ADAMTS2: variants seen among roughly 807,000 people sequenced by gnomAD.
ADAMTS2 encodes ADAM metallopeptidase with thrombospondin type 1 motif 2, also known as A disintegrin and metalloproteinase with thrombospondin motifs 2.
Under a neutral mutation model 123.0 loss-of-function variants are expected in ADAMTS2, and 50 were observed. The observed-to-expected ratio is 0.41, with a 90% confidence interval of 0.32 to 0.51. ADAMTS2 has a LOEUF of 0.51. Ranked by LOEUF, ADAMTS2 falls within the 20% of genes least tolerant of loss-of-function variation. The pLI is 0.35. For missense variants in ADAMTS2, 1,494 were observed against 1,705.2 expected, an observed-to-expected ratio of 0.88 and a Z score of 2.18; for synonymous variants, 678 against 695.4, an observed-to-expected ratio of 0.98 and a Z score of 0.39.
chr5:179,127,668 C>T (rs1561768685), intron 17 of ADAMTS2, among the ~76,000 whole-genome samples: 1 of 152,240 alleles, frequency 6.6e-6, no homozygotes, highest in East Asian at 1.9e-4. Flanking sequence ...GAGGTGTCCA[C>T]ACATCAACCT....
At chr5:179,216,521 C>T (rs564753609) in intron 3 of ADAMTS2, among the ~76,000 whole-genome samples, 8 of 152,166 alleles carry the variant, frequency 5.3e-5, no homozygotes, top group South Asian at 4.1e-4. Flanking sequence ...AGGTCCAGCG[C>T]GTGGTCCCCA....
chr5:179,319,170 C>T (rs551279302), intron 2 of ADAMTS2, among the ~76,000 whole-genome samples: 5 of 152,154 alleles, frequency 3.3e-5, no homozygotes, highest in South Asian at 2.1e-4. Context: ...CACACGCAGG[C>T]GTCACACAGG....
intron 20 of ADAMTS2, among the ~76,000 whole-genome samples, chr5:179,122,033 C>T (rs1455528360): frequency 3.3e-5 from 5 of 152,130 alleles, no homozygotes; most frequent in South Asian, 4.1e-4. Context: ...TGCCCCTGCA[C>T]CCTGCCCGCG....
chr5:179,152,082 G>T (rs1763370125), intron 10 of ADAMTS2, 60 bp downstream of exon 10: 8 of 1,486,954 alleles, frequency 5.4e-6, no homozygotes, highest in Non-Finnish European at 6.6e-6. Flanking sequence ...GGTGACCCGG[G>T]CACCTAAGAT....
chr5:179,272,263 G>A lies in ADAMTS2; in HGVS notation c.688+648C>T, dbSNP rs565918773. On this transcript the variant is annotated intron_variant, in intron 3 of 21. Transcript: ENST00000251582. This position sits in a 1 kb window ranked among gnomAD's most constrained non-coding sequence, Gnocchi z 5.8. Reference sequence around the variant, plus strand: ...ATGGCCGCCTGGCAGCTCCTTTCACGTTTCTGGGCCCAGGGCACACGTGGG... The same window carrying A: ...ATGGCCGCCTGGCAGCTCCTTTCACATTTCTGGGCCCAGGGCACACGTGGG... 3.3e-5 allele frequency among the ~76,000 whole-genome samples: 5 copies of A among 152,296 alleles called. No individual in the cohort carries two copies. The highest frequency in any genetic ancestry group is 2.1e-4 in the South Asian group (1 of 4,822).
intron 2 of ADAMTS2, among the ~76,000 whole-genome samples, chr5:179,301,126 G>A (rs1482575633): frequency 6.6e-6 from 1 of 151,222 alleles, no homozygotes; most frequent in African/African-American, 2.4e-5. Context: ...AAAGGTTCTG[G>A]AGGCTCTGCT....
In ADAMTS2 at chr5:179,121,668, G is replaced by C; in HGVS notation, c.3171C>G (p.Ile1057Met). ...TATAAACGGGTCGGTTACTTGACGA[G>C]ATCTTCCGGATGGGCGAGTCGGGGT... ...RPDPDSPIRK[I>M]SSKGHCQGDK... Residue 1057 changes from isoleucine (I) to methionine (M), a missense_variant, in exon 21 of 22, where the codon ATC becomes ATG. By Grantham distance (10) the Ile-to-Met change is conservative. Transcript: ENST00000251582. 1.9e-6 allele frequency: 3 copies of C among 1,601,382 alleles called. No individual in the cohort carries two copies. In the South Asian group the frequency reaches 3.4e-5, roughly 18 times the overall value.
chr5:179,315,325 T>TGG (rs1756962560), intron 2 of ADAMTS2, among the ~76,000 whole-genome samples: 19 of 151,806 alleles, frequency 1.3e-4, no homozygotes, highest in Admixed American at 1.3e-4. Context: ...GAGGCCACAG[T>TGG]GCTTTGGGAA....
At chr5:179,340,166 G>A (rs1757732835) in intron 2 of ADAMTS2, among the ~76,000 whole-genome samples, 1 of 152,234 alleles carries the variant, frequency 6.6e-6, no homozygotes, top group South Asian at 2.1e-4. Flanking sequence ...TCCTCCTTTG[G>A]GCCCCAGGAT....
chr5:179,325,278 C>T (rs763409402), intron 2 of ADAMTS2, among the ~76,000 whole-genome samples: 4 of 152,128 alleles, frequency 2.6e-5, no homozygotes, highest in Non-Finnish European at 5.9e-5. Flanking sequence ...TGTGCTTTAC[C>T]CTCAAAGTGG....
At chr5:179,184,541 A>C (rs1371471988) in intron 4 of ADAMTS2, among the ~76,000 whole-genome samples, 1 of 151,420 alleles carries the variant, frequency 6.6e-6, no homozygotes, top group Admixed American at 6.6e-5. Flanking sequence ...AGAATGAAAG[A>C]AAGTTGCATT....
At position 179,114,176 on chromosome 5, in the gene ADAMTS2, C is replaced by A. The variant is rs769116395; in HGVS notation, c.3327G>T (p.Pro1109=). Reference sequence around the variant, plus strand: ...CGTCAATGTCGTTGTGCTTCCCAGGCGGTGGCTCTATCCTGCCCTCCACGT... The same window carrying A: ...CGTCAATGTCGTTGTGCTTCCCAGGAGGTGGCTCTATCCTGCCCTCCACGT... ...LTNVEGRIEP[P]PGKHNDIDVF... The change falls in exon 22 of 22, where the codon CCG becomes CCT. Residue 1109 remains proline (P), a synonymous_variant. Transcript: ENST00000251582. The A allele has an allele frequency of 6.2e-7, 1 of 1,611,940 alleles. No individual in the cohort carries two copies. Among genetic ancestry groups the A allele is most frequent in the Non-Finnish European group, 8.5e-7 (1 of 1,178,354 alleles).
intron 3 of ADAMTS2, among the ~76,000 whole-genome samples, chr5:179,232,590 C>A (rs1364961083): frequency 6.6e-6 from 1 of 152,198 alleles, no homozygotes; most frequent in Non-Finnish European, 1.5e-5. Context: ...TCAAGCAAAT[C>A]ACTATAAGTT....
At chr5:179,304,137 T>C (rs1756606742) in intron 2 of ADAMTS2, among the ~76,000 whole-genome samples, 1 of 152,140 alleles carries the variant, frequency 6.6e-6, no homozygotes, top group Non-Finnish European at 1.5e-5. Context: ...AAAATGGACC[T>C]GACATTGAAC....
chr5:179,315,261 C>CCACAGTTGGCTTCTGGAAAGCACTGAGGT (rs1756957133), intron 2 of ADAMTS2, among the ~76,000 whole-genome samples: 1 of 152,038 alleles, frequency 6.6e-6, no homozygotes. Flanking sequence ...AGCACTGAGG[C>CCACAGTTGGCTTCTGGAAAGCACTGAGGT]CACAGTTGGC....
intron 3 of ADAMTS2, among the ~76,000 whole-genome samples, chr5:179,248,270 C>T (rs1339962087): frequency 2.0e-5 from 3 of 151,804 alleles, no homozygotes; most frequent in Non-Finnish European, 2.9e-5. Context: ...CAAAACAGTA[C>T]ACTAAAAAAC....
rs1228739373 is a variant in ADAMTS2 at position 179,286,386 on chromosome 5, G to A, written c.535-13322C>T. 3.3e-5 allele frequency among the ~76,000 whole-genome samples: 5 copies of A among 152,018 alleles called. No homozygotes were observed. The East Asian group carries it at 9.7e-4, about 30-fold the overall frequency. On this transcript the variant is annotated intron_variant, in intron 2 of 21. Coordinates refer to ENST00000251582, the MANE Select transcript of ADAMTS2 (RefSeq NM_014244.5). The stretch of plus-strand genomic sequence containing the variant: ...CTCCCTTCCTCCAACCAGCCCAGGA[G>A]ACCAGCACGCCTGAGCACCAGCACT...
Position 179,345,394 on chromosome 5 carries a change from A to G in ADAMTS2, c.-66T>C. 1.9e-6 allele frequency: 2 copies of G among 1,079,486 alleles called. No individual in the cohort carries two copies. Among genetic ancestry groups the G allele is most frequent in the Non-Finnish European group, 2.2e-6 (2 of 890,980 alleles). The allele number at this position is 1,079,486 out of a possible 1,614,324, so 66.9% of individuals were successfully genotyped here. A position where few individuals can be genotyped will look rare whatever the true frequency, so the allele number is the denominator to read the frequency against. ...CGCGAAAGTTCCCCGCGAGCCGCCCAGCCCACATCTGGGGGCAGCTGGAGC... is the reference window on the plus strand; with the variant it reads ...CGCGAAAGTTCCCCGCGAGCCGCCCGGCCCACATCTGGGGGCAGCTGGAGC... On this transcript the variant is annotated 5_prime_UTR_variant, in exon 1 of 22. Coordinates refer to ENST00000251582, the MANE Select transcript of ADAMTS2 (RefSeq NM_014244.5). This position sits in a 1 kb window ranked among gnomAD's most constrained non-coding sequence, Gnocchi z 7.5.
intron 3 of ADAMTS2, among the ~76,000 whole-genome samples, chr5:179,217,797 G>GGGGGATGGGCACACTCACT: frequency 1.6e-5 from 1 of 62,290 alleles, no homozygotes; most frequent in African/African-American, 5.8e-5. Context: ...ATGGCGCAAG[G>GGGGGATGGGCACACTCACT]GGGGGATGGG....
Sources: allele counts gnomAD v4.1 joint callset (sites outside exome capture counted in the v4.1 genomes callset), GRCh38; gene constraint gnomAD v4.1.1; non-coding constraint Gnocchi (gnomAD v3.1); transcripts MANE v1.5; gene names NCBI Gene and HGNC (gene_info 2026-07-23, HGNC 2026-07-21).